TMEM232: variants seen among roughly 807,000 people sequenced by gnomAD.
TMEM232 encodes the protein transmembrane protein 232.
In TMEM232, 80 loss-of-function variants were observed where a neutral mutation model predicts 78.8. That is an observed-to-expected ratio of 1.01 (90% CI 0.85 to 1.22). The LOEUF (loss-of-function observed/expected upper bound fraction) is 1.22. Among genes scored for constraint, TMEM232 ranks in the 50% most tolerant of loss-of-function variants. The pLI is 0.00. For missense variants in TMEM232, 881 were observed against 742.2 expected, an observed-to-expected ratio of 1.19 and a Z score of -2.17; for synonymous variants, 297 against 254.3, an observed-to-expected ratio of 1.17 and a Z score of -1.60.
chr5:110,517,321 C>T (rs1008668668), intron 12 of TMEM232, among the ~76,000 whole-genome samples: 27 of 152,158 alleles, frequency 1.8e-4, no homozygotes, highest in South Asian at 4.1e-4. Flanking sequence ...TTTCTTTAGA[C>T]GGAGAATCAA....
rs71626630 is a variant in TMEM232 at position 110,391,326 on chromosome 5, T to TGAGA, written n.391-690_391-687dup. Among the ~76,000 whole-genome samples the TGAGA allele has an allele frequency of 1.6e-3, 229 of 139,908 alleles. 1 individual carries two copies. Among genetic ancestry groups the TGAGA allele is most frequent in the African/African-American group, 5.7e-3 (194 of 34,022 alleles). The allele number at this position is 139,908 out of a possible 152,430, so 91.8% of individuals were successfully genotyped here. On this transcript the variant is annotated intron_variant and non_coding_transcript_variant, in intron 3 of 8. Transcript: ENST00000507188. ...GTGTGTGTGTGTGTGTGTGTGTGTG[T>TGAGA]GAGAGAGAGAGAGAGAGAGAGAAAC...
At chr5:110,408,517 A>G (rs1755876233) in intron 2 of TMEM232, among the ~76,000 whole-genome samples, 1 of 151,994 alleles carries the variant, frequency 6.6e-6, no homozygotes, top group Admixed American at 6.6e-5. Context: ...GCTTGAATCC[A>G]GGAGAAAGAG....
intron 12 of TMEM232, among the ~76,000 whole-genome samples, chr5:110,435,132 T>C (rs1758280584): frequency 6.6e-6 from 1 of 151,800 alleles, no homozygotes; most frequent in Non-Finnish European, 1.5e-5. Context: ...GAAAGTCAAA[T>C]TATTTCTCTT....
At chr5:110,406,265 T>TACACACACACAC (rs70999966) in intron 2 of TMEM232, among the ~76,000 whole-genome samples, 467 of 143,664 alleles carry the variant, frequency 3.3e-3, no homozygotes, top group Admixed American at 5.1e-3. Context: ...CAGATATATA[T>TACACACACACAC]ACACACACAC....
chr5:110,586,363 C>T (rs951429171), intron 10 of TMEM232, among the ~76,000 whole-genome samples: 1 of 151,930 alleles, frequency 6.6e-6, no homozygotes, highest in Non-Finnish European at 1.5e-5. Flanking sequence ...CATAAAGGTA[C>T]TGTGCTCTAT....
At chr5:110,697,869 G>C (rs1794983114) in intron 1 of TMEM232, among the ~76,000 whole-genome samples, 1 of 152,192 alleles carries the variant, frequency 6.6e-6, no homozygotes, top group Admixed American at 6.5e-5. Flanking sequence ...CATTCTGGAA[G>C]TCAGTGTGGC....
chr5:110,604,955 C>T (rs1346560406), intron 10 of TMEM232, among the ~76,000 whole-genome samples, 154 bp downstream of exon 10: 1 of 151,848 alleles, frequency 6.6e-6, no homozygotes, highest in African/African-American at 2.4e-5. Context: ...CACCTGGCCT[C>T]AAAAAATAAA....
intron 4 of TMEM232, among the ~76,000 whole-genome samples, chr5:110,388,325 G>A (rs569602984): frequency 1.1e-4 from 17 of 152,064 alleles, no homozygotes; most frequent in African/African-American, 3.6e-4. Context: ...CACGCGGCTG[G>A]CAAAAAAGAG....
chr5:110,719,957 T>C (rs190813093), intron 1 of TMEM232, among the ~76,000 whole-genome samples: 7 of 152,290 alleles, frequency 4.6e-5, no homozygotes, highest in Admixed American at 4.6e-4. Flanking sequence ...GAGACAGTTT[T>C]AAGGGCTCTT....
intron 5 of TMEM232, among the ~76,000 whole-genome samples, chr5:110,636,605 G>A (rs996250426): frequency 6.6e-6 from 1 of 151,960 alleles, no homozygotes; most frequent in Non-Finnish European, 1.5e-5. Context: ...AGGTAGATGT[G>A]TAGCATCATA....
chr5:110,609,330 A>G (rs1781893633), intron 8 of TMEM232, among the ~76,000 whole-genome samples: 1 of 152,102 alleles, frequency 6.6e-6, no homozygotes, highest in African/African-American at 2.4e-5. Context: ...AGGAGCACCC[A>G]CATGCCACTT....
chr5:110,562,407 C>T (rs754850096), intron 11 of TMEM232, among the ~76,000 whole-genome samples: 19 of 152,192 alleles, frequency 1.2e-4, no homozygotes, highest in Non-Finnish European at 2.1e-4. Flanking sequence ...TGCTCTTTGA[C>T]CCTGCCACTT....
chr5:110,680,466 T>C lies in TMEM232; in HGVS notation c.-12-13102A>G, dbSNP rs551760353. Among the ~76,000 whole-genome samples the C allele has an allele frequency of 5.3e-5, 8 of 151,706 alleles. No individual in the cohort carries two copies. The South Asian group carries it at 1.7e-3, about 32-fold the overall frequency. Reference sequence around the variant, plus strand: ...GTCATTGTGTAACAAAATCAGAGCTTTGACATAAACATGAAAAGTATAAGG... The same window carrying C: ...GTCATTGTGTAACAAAATCAGAGCTCTGACATAAACATGAAAAGTATAAGG... On this transcript the variant is annotated intron_variant, in intron 1 of 13. Coordinates refer to ENST00000455884, the MANE Select transcript of TMEM232 (RefSeq NM_001039763.4).
At chr5:110,567,748 T>TGGAC (rs1170037793) in intron 11 of TMEM232, among the ~76,000 whole-genome samples, 2 of 151,968 alleles carry the variant, frequency 1.3e-5, no homozygotes, top group African/African-American at 4.8e-5. Context: ...ACCTTTACAC[T>TGGAC]TTCTCTAGTC....
At chr5:110,397,581 A>G (rs1034570223) in intron 3 of TMEM232, among the ~76,000 whole-genome samples, 2 of 152,148 alleles carry the variant, frequency 1.3e-5, no homozygotes, top group Admixed American at 6.6e-5. Flanking sequence ...TTTGCAACCA[A>G]TTTATGTAAT....
intron 1 of TMEM232, among the ~76,000 whole-genome samples, chr5:110,696,813 G>C (rs1794844023): frequency 6.6e-6 from 1 of 151,996 alleles, no homozygotes; most frequent in African/African-American, 2.4e-5. Context: ...CAAAGAAATG[G>C]AAGAACATTC....
At chr5:110,573,154 C>T (rs1174741577) in intron 10 of TMEM232, among the ~76,000 whole-genome samples, 1 of 151,974 alleles carries the variant, frequency 6.6e-6, no homozygotes, top group African/African-American at 2.4e-5. Flanking sequence ...CAATATTATG[C>T]CTTTTCTTTT....
chr5:110,651,593 T>C (rs2150060137), intron 2 of TMEM232, among the ~76,000 whole-genome samples: 1 of 152,228 alleles, frequency 6.6e-6, no homozygotes, highest in Non-Finnish European at 1.5e-5. Flanking sequence ...ACTCTGGATG[T>C]AATGGAAAGA....
chr5:110,406,281 CA>C (rs1755789271), intron 2 of TMEM232, among the ~76,000 whole-genome samples: 1 of 151,188 alleles, frequency 6.6e-6, no homozygotes, highest in South Asian at 2.1e-4. Flanking sequence ...CACACACACA[CA>C]CACACACACA....
Sources: allele counts gnomAD v4.1 joint callset (sites outside exome capture counted in the v4.1 genomes callset), GRCh38; gene constraint gnomAD v4.1.1; transcripts MANE v1.5; gene names NCBI Gene and HGNC (gene_info 2026-07-23, HGNC 2026-07-21).